Variants in KDM5B observed in about 807,000 individuals in gnomAD.
KDM5B encodes the protein lysine-specific demethylase 5B.
KDM5B carries 144 observed loss-of-function variants against 193.4 expected under a neutral mutation model. That is an observed-to-expected ratio of 0.74 (90% CI 0.65 to 0.86). KDM5B has a LOEUF of 0.86. Ranked by LOEUF, KDM5B falls within the 40% of genes least tolerant of loss-of-function variation. The pLI is 0.00. For missense variants in KDM5B, 1,833 were observed against 1,886.9 expected, an observed-to-expected ratio of 0.97 and a Z score of 0.53; for synonymous variants, 668 against 682.6, an observed-to-expected ratio of 0.98 and a Z score of 0.33.
chr1:202,806,265 TC>T (rs1310335655), intron 1 of KDM5B, among the ~76,000 whole-genome samples: 2 of 152,208 alleles, frequency 1.3e-5, no homozygotes, highest in African/African-American at 4.8e-5. Flanking sequence ...GGAACCTGAC[TC>T]CCCACGTTTT....
At chr1:202,766,517 A>AAG in intron 5 of KDM5B, 1 of 437,682 alleles carries the variant, frequency 2.3e-6, no homozygotes, top group Admixed American at 2.7e-5. Context: ...AAAAAAAAAA[A>AAG]AAGAAGTCTG....
rs35991410 is a variant in KDM5B at position 202,741,937 on chromosome 1, CTT to C, written c.2590-217_2590-216del. ...CTTAAACTAGCTGAGGTCACTTTCT[CTT>C]TTTTTTTTTTTCTGCAACCTCCGCC... On this transcript the variant is annotated intron_variant, in intron 18 of 26. Transcript: ENST00000367265. 5.6e-4 allele frequency among the ~76,000 whole-genome samples: 82 copies of C among 147,270 alleles called. 1 individual carries two copies. The highest frequency in any genetic ancestry group is 2.4e-3 in the East Asian group (12 of 5,024).
At chr1:202,788,302 TGA>T (rs1657495440) in intron 1 of KDM5B, among the ~76,000 whole-genome samples, 1 of 152,182 alleles carries the variant, frequency 6.6e-6, no homozygotes, top group African/African-American at 2.4e-5. Flanking sequence ...TACCAAGGAA[TGA>T]GAACTTGTAT....
At chr1:202,732,625 T>C (rs1425172201) in intron 23 of KDM5B, among the ~76,000 whole-genome samples, 1 of 152,010 alleles carries the variant, frequency 6.6e-6, no homozygotes, top group African/African-American at 2.4e-5. Flanking sequence ...AGACTGTTTT[T>C]TTTTTTGTTT....
intron 20 of KDM5B, among the ~76,000 whole-genome samples, chr1:202,739,403 A>G (rs1441582592): frequency 1.3e-5 from 2 of 151,628 alleles, no homozygotes; most frequent in Non-Finnish European, 2.9e-5. Flanking sequence ...GTGCAGCAAG[A>G]TCCAACGTAT....
intron 1 of KDM5B, among the ~76,000 whole-genome samples, chr1:202,792,331 G>C (rs1263498422): frequency 6.6e-6 from 1 of 150,542 alleles, no homozygotes; most frequent in African/African-American, 2.5e-5. Context: ...AAACCTAGCA[G>C]AGCTTCCGGA....
At position 202,729,967 on chromosome 1, in the gene KDM5B, G is replaced by A. The variant is rs375395275; in HGVS notation, c.4237C>T (p.Arg1413Cys). 2.0e-5 allele frequency: 32 copies of A among 1,613,664 alleles called. No individual in the cohort carries two copies. Among genetic ancestry groups the A allele is most frequent in the African/African-American group, 5.3e-5 (4 of 74,788 alleles). Residue 1413 changes from arginine to cysteine, a missense_variant, in exon 26 of 27, where the codon CGC becomes TGC. Around this residue, in one of 3 missense-constraint regions of KDM5B, gnomAD observed 1,379 missense variants for 1,349.6 expected, o/e 1.02. Transcript: ENST00000367265. ...CTGGAGAGGCCCTCTCTTTCCAGGC[G>A]TCTCTTCAGTTTTCTCTCAAGACTG... is the stretch of plus-strand genomic sequence containing the variant. Reference protein sequence around the residue: ...INSLERKLKRRLEREGLSSER... With the variant: ...INSLERKLKRCLEREGLSSER...
In KDM5B at chr1:202,734,019, A is replaced by G. The variant is rs1037606546; in HGVS notation, c.3424-133T>C. On this transcript the variant is annotated intron_variant, in intron 22 of 26. Transcript: ENST00000367265. ...ATTCAAATCCTGACTGCCTCATACT[A>G]AGCTGTGAGTGACCTGGTGCCATGT... is the stretch of plus-strand genomic sequence containing the variant. The G allele has an allele frequency of 5.4e-6, 6 of 1,111,734 alleles. No individual in the cohort carries two copies. In the African/African-American group the frequency reaches 9.2e-5, roughly 17 times the overall value. 68.9% of individuals were successfully genotyped at this position (1,111,734 alleles called of 1,614,324 possible).
intron 8 of KDM5B, 145 bp from the exon 9 acceptor site, chr1:202,758,655 C>T (rs942106068): frequency 1.7e-5 from 9 of 524,906 alleles, no homozygotes; most frequent in African/African-American, 7.8e-5. Context: ...ATAAACCTGC[C>T]TGAAAAATGT....
intron 4 of KDM5B, among the ~76,000 whole-genome samples, chr1:202,767,801 CT>C (rs1455786703): frequency 6.6e-6 from 1 of 152,088 alleles, no homozygotes; most frequent in Non-Finnish European, 1.5e-5. Flanking sequence ...CAATGAACCA[CT>C]TGGAGTTATT....
Position 202,745,721 on chromosome 1 carries a change from T to C in KDM5B, c.2323+137A>G, listed in dbSNP as rs570965340. The stretch of plus-strand genomic sequence containing the variant: ...TTTAAAACCTTCTCTGCCGGTGCTC[T>C]GTAAACCGGGCTATGTAGAGGGGCT... On this transcript the variant is annotated intron_variant, in intron 16 of 26. Coordinates refer to ENST00000367265, the MANE Select transcript of KDM5B (RefSeq NM_006618.5). 5.4e-6 allele frequency: 5 copies of C among 926,786 alleles called. No homozygotes were observed. In the East Asian group the frequency reaches 7.3e-5, roughly 14 times the overall value. The allele number at this position is 926,786 out of a possible 1,614,324, so 57.4% of individuals were successfully genotyped here.
intron 18 of KDM5B, 132 bp downstream of exon 18, chr1:202,742,259 A>G (rs2102234818): frequency 3.2e-6 from 2 of 628,494 alleles, no homozygotes; most frequent in South Asian, 3.8e-5. Context: ...ACCACTCAAT[A>G]GGTTATTAAA....
In KDM5B at chr1:202,729,744, C is replaced by G; in HGVS notation, c.4460G>C (p.Cys1487Ser). Residue 1487 changes from cysteine to serine, a missense_variant, in exon 26 of 27, where the codon TGC becomes TCC. Physicochemically the swap from Cys to Ser is moderately radical, Grantham distance 112 (BLOSUM62 -1). Around this residue, in one of 3 missense-constraint regions of KDM5B, gnomAD observed 1,379 missense variants for 1,349.6 expected, o/e 1.02. Coordinates refer to ENST00000367265, the MANE Select transcript of KDM5B (RefSeq NM_006618.5). ...TGGCTGCAGGCAGCTCACAGCTGGG[C>G]AGATGGCATCTTCATCCTCAGAGTC... ...QEDSEDEDAI[C>S]PAVSCLQPEG... 6.2e-7 allele frequency: 1 copy of G among 1,614,070 alleles called. No individual in the cohort carries two copies. The highest frequency in any genetic ancestry group is 8.5e-7 in the Non-Finnish European group (1 of 1,179,950).
chr1:202,806,111 G>T (rs1658281944), intron 1 of KDM5B, among the ~76,000 whole-genome samples: 1 of 152,194 alleles, frequency 6.6e-6, no homozygotes, highest in Non-Finnish European at 1.5e-5. Context: ...TAGCCAAGAT[G>T]AGGAAATGGG....
Position 202,732,246 on chromosome 1 carries a change from C to A in KDM5B, c.3910-307G>T, listed in dbSNP as rs528165765. ...GAACAGATCATACAGCCTTTTAATC[C>A]TTTTCTAATTCTCCTTATTGAAGAT... On this transcript the variant is annotated intron_variant, in intron 23 of 26. Coordinates refer to ENST00000367265, the MANE Select transcript of KDM5B (RefSeq NM_006618.5). 39 of 282,390 alleles carry A rather than the reference C, an allele frequency of 1.4e-4. 1 individual carries two copies. In the South Asian group the frequency reaches 1.8e-3, roughly 13 times the overall value. The allele number at this position is 282,390 out of a possible 1,614,324, so 17.5% of individuals were successfully genotyped here.
At chr1:202,799,389 C>T (rs901811034) in intron 1 of KDM5B, among the ~76,000 whole-genome samples, 2 of 152,092 alleles carry the variant, frequency 1.3e-5, no homozygotes, top group African/African-American at 2.4e-5. Flanking sequence ...CGCGGTGGCT[C>T]GCGCCTGTAA....
intron 1 of KDM5B, 89 bp downstream of exon 1, chr1:202,808,013 G>GC (rs1187445683): frequency 1.3e-5 from 17 of 1,316,438 alleles, no homozygotes; most frequent in Non-Finnish European, 1.7e-5. Flanking sequence ...CCGGCTCCCC[G>GC]CCCCCCGCGC....
intron 1 of KDM5B, among the ~76,000 whole-genome samples, chr1:202,788,594 T>A (rs998216888): frequency 2.0e-5 from 3 of 146,958 alleles, no homozygotes; most frequent in African/African-American, 7.4e-5. Flanking sequence ...GTATTGGTAT[T>A]GGTAGGTCCT....
rs1654673346 is a variant in KDM5B, at chr1:202,726,362, G to A, written c.*2674C>T. The A allele has an allele frequency of 6.6e-6, 1 of 152,112 alleles. No homozygotes were observed. Among genetic ancestry groups the A allele is most frequent in the Non-Finnish European group, 1.5e-5 (1 of 68,026 alleles). The allele number at this position is 152,112 out of a possible 1,614,324, so 9.4% of individuals were successfully genotyped here. A position where few individuals can be genotyped will look rare whatever the true frequency, so the allele number is the denominator to read the frequency against. On this transcript the variant is annotated 3_prime_UTR_variant, in exon 27 of 27. Transcript: ENST00000367265. ...TAAAGAAGTCAACTTCCTTTACATA[G>A]TCCAAATTACATAACCTTTCTCCAG...
Sources: gnomAD v4.1 joint callset for allele counts (sites outside exome capture counted in the v4.1 genomes callset) on GRCh38, gnomAD v4.1.1 for gene constraint, gnomAD v4.1.1 regional missense constraint, MANE v1.5 for transcripts, NCBI Gene and HGNC (gene_info 2026-07-23, HGNC 2026-07-21) for gene names.